Variants in ATP9A observed in about 807,000 individuals in gnomAD.
ATP9A encodes the protein ATPase phospholipid transporting 9A.
In ATP9A, 52 loss-of-function variants were observed where a neutral mutation model predicts 144.1. That is an observed-to-expected ratio of 0.36 (90% CI 0.29 to 0.45). The LOEUF (loss-of-function observed/expected upper bound fraction) is 0.45, where lower values mean the gene tolerates loss of function less well. Ranked by LOEUF, ATP9A falls within the 20% of genes least tolerant of loss-of-function variation. The pLI is 1.00. For synonymous variants in ATP9A, 582 were observed against 557.4 expected (o/e 1.04, Z -0.62); for missense variants, 947 against 1,392.7 (o/e 0.68, Z 5.09).
Position 51,753,484 on chromosome 20 carries a change from C to A in ATP9A, c.68+14818G>T, listed in dbSNP as rs200605878. On this transcript the variant is annotated intron_variant, in intron 1 of 27. Coordinates refer to ENST00000338821, the MANE Select transcript of ATP9A (RefSeq NM_006045.3). ...ACAACAACAACAACAACAACAACAACAACAAACCCACGTTCTACATGGTTC... is the reference window on the plus strand; with the variant it reads ...ACAACAACAACAACAACAACAACAAAAACAAACCCACGTTCTACATGGTTC... Among the ~76,000 whole-genome samples, 173 of 149,642 alleles carry A rather than the reference C, an allele frequency of 1.2e-3. 3 individuals are homozygous for A. The highest frequency in any genetic ancestry group is 2.7e-3 in the African/African-American group (105 of 39,422).
chr20:51,726,540 G>A (rs1354796965), intron 2 of ATP9A, among the ~76,000 whole-genome samples: 2 of 151,982 alleles, frequency 1.3e-5, no homozygotes, highest in Non-Finnish European at 2.9e-5. Context: ...TAACATGGAG[G>A]GGCACACAGG....
intron 13 of ATP9A, among the ~76,000 whole-genome samples, chr20:51,661,469 T>A (rs2122775136): frequency 6.7e-6 from 1 of 148,376 alleles, no homozygotes; most frequent in East Asian, 2.0e-4. Context: ...GCTCAAGTAA[T>A]CCTCCCACCT....
At chr20:51,721,557 T>C (rs1165890522) in intron 3 of ATP9A, among the ~76,000 whole-genome samples, 5 of 152,100 alleles carry the variant, frequency 3.3e-5, no homozygotes, top group Non-Finnish European at 7.4e-5. Flanking sequence ...CCCAGCACTT[T>C]GGGAGGCCAA....
At chr20:51,604,777 TG>T (rs762495832) in intron 27 of ATP9A, 39 bp downstream of exon 27, 257 of 1,433,320 alleles carry the variant, frequency 1.8e-4, no homozygotes, top group Non-Finnish European at 2.2e-4. Flanking sequence ...CCAGATTCAC[TG>T]GGGGTGACGG....
At chr20:51,630,953 A>G (rs1012260629) in intron 15 of ATP9A, among the ~76,000 whole-genome samples, 2 of 152,074 alleles carry the variant, frequency 1.3e-5, no homozygotes, top group African/African-American at 4.8e-5. Context: ...TCTAGGGAGT[A>G]ACAGTATGGA....
At chr20:51,665,855 T>C (rs2426369) in intron 13 of ATP9A, among the ~76,000 whole-genome samples, 73,788 of 152,088 alleles carry the variant, frequency 0.49, 18,734 homozygotes, top group East Asian at 0.79. Context: ...CTTGTATTAA[T>C]AATCTGAAGC....
At chr20:51,685,568 A>G (rs929387708) in intron 9 of ATP9A, among the ~76,000 whole-genome samples, 1 of 134,820 alleles carries the variant, frequency 7.4e-6, no homozygotes, top group Non-Finnish European at 1.6e-5. Flanking sequence ...AGTCTCAGAA[A>G]AAAAAGAAAA....
intron 13 of ATP9A, among the ~76,000 whole-genome samples, chr20:51,659,368 G>A (rs1168797860): frequency 3.3e-5 from 5 of 152,200 alleles, no homozygotes; most frequent in South Asian, 2.1e-4. Flanking sequence ...CTAGTATCCA[G>A]GGCAGTGTCT....
In ATP9A at chr20:51,597,550, C is replaced by T. The variant is rs1269729278; in HGVS notation, c.*3661G>A. The T allele has an allele frequency of 6.6e-6, 1 of 152,094 alleles. No homozygotes were observed. Among genetic ancestry groups the T allele is most frequent in the Non-Finnish European group, 1.5e-5 (1 of 68,032 alleles). 9.4% of individuals were successfully genotyped at this position (152,094 alleles called of 1,614,324 possible). A position where few individuals can be genotyped will look rare whatever the true frequency, so the allele number is the denominator to read the frequency against. Reference sequence around the variant, plus strand: ...CTCTTTCACACACACACACACCCCCCACACACTTCAAACATACAGAAAAGG... The same window carrying T: ...CTCTTTCACACACACACACACCCCCTACACACTTCAAACATACAGAAAAGG... On this transcript the variant is annotated 3_prime_UTR_variant, in exon 28 of 28. Coordinates refer to ENST00000338821, the MANE Select transcript of ATP9A (RefSeq NM_006045.3).
In ATP9A at chr20:51,618,704, G is replaced by T; in HGVS notation, c.2308C>A (p.Arg770Ser). The T allele has an allele frequency of 6.2e-7, 1 of 1,613,434 alleles. No individual in the cohort carries two copies. The highest frequency in any genetic ancestry group is 1.7e-5 in the Admixed American group (1 of 59,958). Residue 770 changes from arginine to serine, a missense_variant, in exon 21 of 28, where the codon CGC becomes AGC. By Grantham distance (110) the Arg-to-Ser change is moderately radical. This residue lies in a region of ATP9A where 770 missense variants were observed against 1,047.9 expected (regional missense o/e 0.73). Coordinates refer to ENST00000338821, the MANE Select transcript of ATP9A (RefSeq NM_006045.3). ...CAPTQKAQIV[R>S]LLQERTGKLT... ...TTGCCCGTGCGCTCCTGAAGCAGGCGCACGATCTGGGCCTTCTGGGTGGGG... is the reference window on the plus strand; with the variant it reads ...TTGCCCGTGCGCTCCTGAAGCAGGCTCACGATCTGGGCCTTCTGGGTGGGG...
At chr20:51,691,416 C>G (rs2077547946) in intron 7 of ATP9A, among the ~76,000 whole-genome samples, 1 of 152,200 alleles carries the variant, frequency 6.6e-6, no homozygotes, top group African/African-American at 2.4e-5. Context: ...TTGCAGTAAG[C>G]TGAGATCGCG....
intron 4 of ATP9A, among the ~76,000 whole-genome samples, chr20:51,699,485 T>G (rs1488979369): frequency 6.6e-6 from 1 of 152,206 alleles, no homozygotes; most frequent in Non-Finnish European, 1.5e-5. Flanking sequence ...ATTGAGATTT[T>G]TCAGAGCATT....
At chr20:51,708,424 G>A (rs1009000114) in intron 4 of ATP9A, among the ~76,000 whole-genome samples, 1 of 151,956 alleles carries the variant, frequency 6.6e-6, no homozygotes, top group Admixed American at 6.6e-5. Context: ...CTATTAATGA[G>A]GATTTTAATT....
intron 14 of ATP9A, among the ~76,000 whole-genome samples, chr20:51,651,183 G>A (rs2077363107): frequency 7.1e-5 from 5 of 70,282 alleles, no homozygotes; most frequent in Admixed American, 3.5e-4. Flanking sequence ...CACACACAAA[G>A]TAAATATTAT....
intron 22 of ATP9A, among the ~76,000 whole-genome samples, 179 bp from the exon 23 acceptor site, chr20:51,614,011 A>T (rs1166227647): frequency 6.6e-6 from 1 of 152,210 alleles, no homozygotes; most frequent in East Asian, 1.9e-4. Flanking sequence ...TTAAAAGGGG[A>T]ATTTATTTAA....
chr20:51,662,112 C>T (rs2077413261), intron 13 of ATP9A, among the ~76,000 whole-genome samples: 1 of 152,230 alleles, frequency 6.6e-6, no homozygotes, highest in African/African-American at 2.4e-5. Flanking sequence ...AGAAGCCTGA[C>T]AGCCACTGAA....
intron 1 of ATP9A, among the ~76,000 whole-genome samples, chr20:51,748,940 T>TAGACAGACAGACAGACAGAC (rs1477478838): frequency 7.5e-5 from 7 of 93,502 alleles, no homozygotes; most frequent in African/African-American, 2.5e-4. Flanking sequence ...GATAGATAGA[T>TAGACAGACAGACAGACAGAC]AGATAGATAG....
At chr20:51,742,419 A>G (rs1453283140) in intron 1 of ATP9A, among the ~76,000 whole-genome samples, 1 of 152,052 alleles carries the variant, frequency 6.6e-6, no homozygotes, top group South Asian at 2.1e-4. Context: ...AACCAGCACA[A>G]TGAAAAGCAA....
At chr20:51,729,575 T>C (rs2077731156) in intron 2 of ATP9A, among the ~76,000 whole-genome samples, 1 of 152,014 alleles carries the variant, frequency 6.6e-6, no homozygotes, top group Non-Finnish European at 1.5e-5. Context: ...TGAAACCCCA[T>C]CTCTACTAAA....
Sources: allele counts gnomAD v4.1 joint callset (sites outside exome capture counted in the v4.1 genomes callset), GRCh38; gene constraint gnomAD v4.1.1; regional missense constraint gnomAD v4.1.1; transcripts MANE v1.5; gene names NCBI Gene and HGNC (gene_info 2026-07-23, HGNC 2026-07-21).